ERC2: variants seen among roughly 807,000 people sequenced by gnomAD.
ERC2 encodes the protein ERC protein 2.
In ERC2, 42 loss-of-function variants were observed where a neutral mutation model predicts 114.8. The observed-to-expected ratio is 0.37, with a 90% CI of 0.29 to 0.47. The LOEUF is 0.47. Among genes scored for constraint, ERC2 ranks in the 20% least tolerant of loss-of-function variants. ERC2 has a pLI of 0.99. For synonymous variants in ERC2, 454 were observed against 425.5 expected (o/e 1.07, Z -0.82); for missense variants, 939 against 1,150.7 (o/e 0.82, Z 2.66).
chr3:55,798,081 A>G (rs949581399), intron 14 of ERC2, among the ~76,000 whole-genome samples: 6 of 152,216 alleles, frequency 3.9e-5, no homozygotes, highest in Non-Finnish European at 7.3e-5. Flanking sequence ...TATGGAGGAC[A>G]GAAAAGGAAA....
rs561004168 is a variant in ERC2 at position 56,339,118 on chromosome 3, G to A, written c.658-42683C>T. Among the ~76,000 whole-genome samples, 11 of 152,242 alleles carry A rather than the reference G, an allele frequency of 7.2e-5. No individual in the cohort carries two copies. In the South Asian group the frequency reaches 1.0e-3, roughly 14 times the overall value. On this transcript the variant is annotated intron_variant, in intron 2 of 17. Transcript: ENST00000288221. ...TGGGAGACAACATGGGTCATATCTC[G>A]TGCTCAATTCTAATAAGAGAAAAGT...
At chr3:55,521,606 G>C (rs1022811908) in intron 17 of ERC2, among the ~76,000 whole-genome samples, 3 of 152,230 alleles carry the variant, frequency 2.0e-5, no homozygotes, top group African/African-American at 7.2e-5. Context: ...GCAAAAGAAG[G>C]GGGTAGGCAG....
intron 2 of ERC2, among the ~76,000 whole-genome samples, chr3:56,392,845 A>C (rs2060177418): frequency 1.3e-5 from 2 of 152,104 alleles, no homozygotes; most frequent in South Asian, 4.2e-4. Context: ...GACACTCAAA[A>C]GCTACAGCAG....
At chr3:56,342,365 G>A (rs1201294611) in intron 2 of ERC2, among the ~76,000 whole-genome samples, 1 of 152,244 alleles carries the variant, frequency 6.6e-6, no homozygotes, top group Non-Finnish European at 1.5e-5. Flanking sequence ...TAATTTCAGT[G>A]TTAGATTCCA....
At chr3:56,414,689 C>T (rs1302198230) in intron 2 of ERC2, among the ~76,000 whole-genome samples, 5 of 149,692 alleles carry the variant, frequency 3.3e-5, no homozygotes, top group Admixed American at 2.0e-4. Flanking sequence ...CATGCCACTA[C>T]GCTCCACCCA....
At chr3:55,997,898 T>G (rs2071674217) in intron 10 of ERC2, among the ~76,000 whole-genome samples, 1 of 54,780 alleles carries the variant, frequency 1.8e-5, no homozygotes, top group African/African-American at 5.8e-5. Context: ...TTTTTTTTTT[T>G]TTTTTTTTTG....
Position 55,995,160 on chromosome 3 carries a change from C to T in ERC2, c.2062-2910G>A, listed in dbSNP as rs887084657. Among the ~76,000 whole-genome samples the T allele has an allele frequency of 4.6e-5, 7 of 152,094 alleles. No homozygotes were observed. In the South Asian group the frequency reaches 1.2e-3, roughly 27 times the overall value. On this transcript the variant is annotated intron_variant, in intron 10 of 17. Coordinates refer to ENST00000288221, the MANE Select transcript of ERC2 (RefSeq NM_015576.3). ...CCATCCTGGCCAATATGGTAACACC[C>T]CATCTCTACTAAAAATACAAAAATT...
intron 16 of ERC2, among the ~76,000 whole-genome samples, chr3:55,693,851 G>C (rs1188132238): frequency 1.3e-5 from 2 of 151,942 alleles, no homozygotes; most frequent in Admixed American, 1.3e-4. Flanking sequence ...TGGGATTACA[G>C]GCACTCACCA....
intron 4 of ERC2, among the ~76,000 whole-genome samples, chr3:56,170,593 T>TTTGTTTG (rs370040605): frequency 5.6e-5 from 2 of 35,498 alleles, no homozygotes; most frequent in African/African-American, 2.2e-4. Context: ...CTGTTTTTTT[T>TTTGTTTG]TTTTTTTTTT....
chr3:56,158,693 C>T (rs2081878609), intron 4 of ERC2, among the ~76,000 whole-genome samples: 1 of 151,780 alleles, frequency 6.6e-6, no homozygotes, highest in Non-Finnish European at 1.5e-5. Context: ...CATAAATAAC[C>T]TAACCTTCTC....
At chr3:55,990,483 C>T (rs1487364370) in intron 11 of ERC2, among the ~76,000 whole-genome samples, 1 of 152,080 alleles carries the variant, frequency 6.6e-6, no homozygotes, top group Non-Finnish European at 1.5e-5. Context: ...GGCTGGAGTG[C>T]AGTGGCTCAT....
At chr3:55,715,994 C>T (rs1007064522) in intron 15 of ERC2, among the ~76,000 whole-genome samples, 9 of 152,164 alleles carry the variant, frequency 5.9e-5, no homozygotes, top group Non-Finnish European at 1.3e-4. Flanking sequence ...CCCTAGAAGG[C>T]ACCCAACCTT....
chr3:56,351,102 T>C (rs2058535869), intron 2 of ERC2, among the ~76,000 whole-genome samples: 1 of 152,122 alleles, frequency 6.6e-6, no homozygotes, highest in Non-Finnish European at 1.5e-5. Flanking sequence ...ATACTATTAA[T>C]GGTATTTAAT....
intron 3 of ERC2, among the ~76,000 whole-genome samples, chr3:56,191,839 A>C (rs549528999): frequency 2.1e-4 from 32 of 152,112 alleles, no homozygotes; most frequent in African/African-American, 7.5e-4. Flanking sequence ...GGATGAACTC[A>C]AATCTCATCT....
chr3:55,860,377 A>AC (rs1342477106), intron 14 of ERC2, among the ~76,000 whole-genome samples: 1 of 150,926 alleles, frequency 6.6e-6, no homozygotes, highest in South Asian at 2.1e-4. Context: ...GGCGATGTGC[A>AC]CCCCCCGCCT....
intron 3 of ERC2, among the ~76,000 whole-genome samples, chr3:56,247,399 T>C (rs1019629184): frequency 6.6e-6 from 1 of 152,238 alleles, no homozygotes; most frequent in Non-Finnish European, 1.5e-5. Flanking sequence ...CCTATCAATT[T>C]GTTTATAATG....
At chr3:56,259,728 C>T (rs2052787796) in intron 3 of ERC2, among the ~76,000 whole-genome samples, 1 of 152,170 alleles carries the variant, frequency 6.6e-6, no homozygotes, top group Non-Finnish European at 1.5e-5. Flanking sequence ...AGCCCCTGCC[C>T]TAAGGGACCA....
intron 14 of ERC2, among the ~76,000 whole-genome samples, chr3:55,794,304 C>A (rs1209963564): frequency 6.6e-6 from 1 of 152,182 alleles, no homozygotes; most frequent in Non-Finnish European, 1.5e-5. Context: ...CAACTTTTAT[C>A]CTGTTTCCCT....
intron 7 of ERC2, among the ~76,000 whole-genome samples, chr3:56,051,098 G>A (rs2075741364): frequency 6.6e-6 from 1 of 152,114 alleles, no homozygotes; most frequent in South Asian, 2.1e-4. Flanking sequence ...CAGGCAGGTG[G>A]GACCTATTTA....
Sources: gnomAD v4.1 joint callset for allele counts (sites outside exome capture counted in the v4.1 genomes callset) on GRCh38, gnomAD v4.1.1 for gene constraint, MANE v1.5 for transcripts, NCBI Gene and HGNC (gene_info 2026-07-23, HGNC 2026-07-21) for gene names.